Variants in ATXN7 observed in about 807,000 individuals in gnomAD.
The protein encoded by ATXN7 is ataxin 7, also known as ataxin-7.
Under a neutral mutation model 70.5 loss-of-function variants are expected in ATXN7, and 12 were observed. The ratio of observed to expected loss-of-function variants is 0.17; its 90% CI spans 0.11 to 0.28. The LOEUF (loss-of-function observed/expected upper bound fraction) is 0.28, where lower values mean the gene tolerates loss of function less well. ATXN7 is among the 10% of genes least tolerant of loss of function. ATXN7 has a pLI of 1.00. For synonymous variants in ATXN7, 498 were observed against 448.7 expected, an observed-to-expected ratio of 1.11 and a Z score of -1.39; for missense variants, 1,256 against 1,131.7, an observed-to-expected ratio of 1.11 and a Z score of -1.58.
At chr3:63,972,340 A>G (rs2075325283) in intron 5 of ATXN7, among the ~76,000 whole-genome samples, 1 of 152,190 alleles carries the variant, frequency 6.6e-6, no homozygotes, top group Non-Finnish European at 1.5e-5. Flanking sequence ...AATGGGCGTC[A>G]TTATGGGATG....
rs574129988 is a variant in ATXN7, at chr3:63,960,705, T to G, written c.499+8222T>G. Among the ~76,000 whole-genome samples the G allele has an allele frequency of 1.5e-4, 23 of 152,286 alleles. 1 individual carries two copies. Among genetic ancestry groups the G allele is most frequent in the African/African-American group, 5.1e-4 (21 of 41,560 alleles). On this transcript the variant is annotated intron_variant, in intron 5 of 12. Transcript: ENST00000674280. Reference sequence around the variant, plus strand: ...TACTTGAGCTTATGGATCAGGAGGTTGTTCTTTCAGTTTGTATATGGGCAT... The same window carrying G: ...TACTTGAGCTTATGGATCAGGAGGTGGTTCTTTCAGTTTGTATATGGGCAT...
intron 12 of ATXN7, chr3:63,998,654 G>T (rs1421165791): frequency 2.0e-6 from 2 of 985,274 alleles, no homozygotes; most frequent in African/African-American, 3.5e-5. Context: ...GGCAAGAGCA[G>T]GGGTGCTTGC....
chr3:63,997,631 C>T (rs1054693544), intron 12 of ATXN7: 1 of 1,552,052 alleles, frequency 6.4e-7, no homozygotes, highest in African/African-American at 1.4e-5. Flanking sequence ...GATATCTCCT[C>T]ACCTTGCTTA....
intron 5 of ATXN7, 56 bp downstream of exon 5, chr3:63,952,539 TTAAAC>T (rs2074971737): frequency 1.5e-6 from 2 of 1,304,450 alleles, no homozygotes; most frequent in Non-Finnish European, 2.1e-6. Flanking sequence ...TAAAGCAAGA[TTAAAC>T]TAAGGAACAG....
intron 1 of ATXN7, among the ~76,000 whole-genome samples, chr3:63,880,083 A>G (rs1253574946): frequency 6.6e-6 from 1 of 152,082 alleles, no homozygotes; most frequent in Non-Finnish European, 1.5e-5. Context: ...AAGACTCCGT[A>G]TCAAAAAAGA....
chr3:63,941,670 C>T (rs930516550), intron 4 of ATXN7, among the ~76,000 whole-genome samples: 2 of 151,772 alleles, frequency 1.3e-5, no homozygotes, highest in African/African-American at 2.4e-5. Context: ...CTTTGGTTTA[C>T]GCAGGGCCAG....
intron 2 of ATXN7, chr3:63,900,994 G>C (rs866782184): frequency 6.6e-6 from 1 of 152,168 alleles, no homozygotes; most frequent in African/African-American, 2.4e-5. Flanking sequence ...TTGTAGGCCC[G>C]ATATCTGTTC....
At chr3:63,940,287 AC>A (rs2074734252) in intron 4 of ATXN7, among the ~76,000 whole-genome samples, 1 of 67,720 alleles carries the variant, frequency 1.5e-5, no homozygotes, top group Admixed American at 1.2e-4. Flanking sequence ...ATGCCCCATC[AC>A]ACACACACAC....
intron 11 of ATXN7, among the ~76,000 whole-genome samples, chr3:63,993,035 G>A (rs191724123): frequency 9.8e-4 from 149 of 152,290 alleles, no homozygotes; most frequent in Middle Eastern, 6.8e-3. Flanking sequence ...GGTTATTGTG[G>A]TAAAATTGAA....
At chr3:63,971,404 C>T (rs1260124037) in intron 5 of ATXN7, among the ~76,000 whole-genome samples, 3 of 152,084 alleles carry the variant, frequency 2.0e-5, no homozygotes, top group Non-Finnish European at 4.4e-5. Context: ...CATCAAGTGC[C>T]TGGGGAACAT....
intron 4 of ATXN7, among the ~76,000 whole-genome samples, chr3:63,932,757 A>G (rs1466711661): frequency 2.0e-5 from 3 of 152,104 alleles, no homozygotes; most frequent in African/African-American, 4.8e-5. Context: ...ATTACTTCTC[A>G]TCTCTTAGAT....
intron 1 of ATXN7, chr3:63,864,495 C>T (rs1379323469): frequency 2.0e-5 from 3 of 152,118 alleles, no homozygotes; most frequent in Non-Finnish European, 4.4e-5. Flanking sequence ...GCCCCGGGTT[C>T]CAGGTCGCGC....
At chr3:63,955,819 G>A (rs2106672190) in intron 5 of ATXN7, among the ~76,000 whole-genome samples, 1 of 152,280 alleles carries the variant, frequency 6.6e-6, no homozygotes, top group South Asian at 2.1e-4. Context: ...TGACTTTTAT[G>A]AACAAATGAA....
Position 63,996,484 on chromosome 3 carries a change from G to A in ATXN7, c.2661+1G>A, listed in dbSNP as rs747671371. 6.2e-7 allele frequency: 1 copy of A among 1,613,786 alleles called. No individual in the cohort carries two copies. The highest frequency in any genetic ancestry group is 8.5e-7 in the Non-Finnish European group (1 of 1,179,774). On this transcript the variant is annotated splice_donor_variant, in intron 12 of 12. Coordinates refer to ENST00000674280, the MANE Select transcript of ATXN7 (RefSeq NM_001377405.1). LOFTEE classifies it high-confidence loss of function. ...GATGAACAGTTCCCTCCTTCATCAG[G>A]TAGGAAATGGACTGTGAGCCCCATG...
At chr3:63,924,369 G>A (rs1314825747) in intron 4 of ATXN7, among the ~76,000 whole-genome samples, 5 of 152,062 alleles carry the variant, frequency 3.3e-5, no homozygotes, top group African/African-American at 9.7e-5. Context: ...AGTCTGGGGT[G>A]GAGACTGGGT....
intron 1 of ATXN7, among the ~76,000 whole-genome samples, chr3:63,890,422 A>G (rs1703222943): frequency 6.6e-6 from 1 of 152,202 alleles, no homozygotes; most frequent in Admixed American, 6.5e-5. Context: ...GAAAATATCA[A>G]CTAACTACAG....
chr3:63,929,304 C>T (rs1389142055), intron 4 of ATXN7, among the ~76,000 whole-genome samples: 10 of 144,328 alleles, frequency 6.9e-5, no homozygotes, highest in East Asian at 2.1e-4. Context: ...GATGGAGTCT[C>T]GCTCTGTTGC....
intron 1 of ATXN7, among the ~76,000 whole-genome samples, chr3:63,879,491 T>G (rs534769046): frequency 1.2e-3 from 142 of 122,720 alleles, no homozygotes; most frequent in Admixed American, 3.0e-3. Context: ...TCTTCAGTTT[T>G]TTTTTTTTTT....
intron 6 of ATXN7, 143 bp from the exon 7 acceptor site, chr3:63,982,043 A>G (rs1361070399): frequency 8.9e-7 from 1 of 1,126,364 alleles, no homozygotes; most frequent in Admixed American, 2.3e-5. Flanking sequence ...TTACTAACAA[A>G]ACTCATAAGG....
Sources: gnomAD v4.1 joint callset for allele counts (sites outside exome capture counted in the v4.1 genomes callset) on GRCh38, gnomAD v4.1.1 for gene constraint, MANE v1.5 for transcripts, NCBI Gene and HGNC (gene_info 2026-07-23, HGNC 2026-07-21) for gene names.